Variants in NKAIN2 observed in about 807,000 individuals in gnomAD.
NKAIN2 encodes the protein sodium/potassium-transporting ATPase subunit beta-1-interacting protein 2.
A neutral mutation model predicts 32.6 loss-of-function variants in NKAIN2; 14 were observed. The ratio of observed to expected loss-of-function variants is 0.43; its 90% CI spans 0.28 to 0.67. NKAIN2 has a LOEUF of 0.67. NKAIN2 is among the 30% of genes least tolerant of loss of function. The probability of loss-of-function intolerance (pLI) is 0.17; values close to 1 mark genes in which losing one functional copy is unlikely to be tolerated. For missense variants in NKAIN2, 198 were observed against 258.3 expected, an observed-to-expected ratio of 0.77 and a Z score of 1.60; for synonymous variants, 80 against 87.2, an observed-to-expected ratio of 0.92 and a Z score of 0.46.
intron 1 of NKAIN2, among the ~76,000 whole-genome samples, chr6:124,174,951 AT>A (rs958336406): frequency 2.0e-5 from 3 of 152,152 alleles, no homozygotes; most frequent in Non-Finnish European, 4.4e-5. Context: ...GTATATGTAA[AT>A]TTGAAATTAT....
At chr6:124,798,821 A>C (rs573249647) in intron 5 of NKAIN2, among the ~76,000 whole-genome samples, 2 of 152,318 alleles carry the variant, frequency 1.3e-5, no homozygotes, top group African/African-American at 4.8e-5. Flanking sequence ...ATTCAAATAC[A>C]GTACACACTG....
At position 124,824,566 on chromosome 6, in the gene NKAIN2, AT is replaced by A. The variant is rs1056303007; in HGVS notation, c.*1341del. ...ATGGAATATTCTGAACTCCTAGGAA[AT>A]TTTGTTCTATATTTTAAAGCATTAT... is the stretch of plus-strand genomic sequence containing the variant. On this transcript the variant is annotated 3_prime_UTR_variant, in exon 7 of 7. Coordinates refer to ENST00000368417, the MANE Select transcript of NKAIN2 (RefSeq NM_001040214.3). 1 of 152,140 alleles carries A rather than the reference AT, an allele frequency of 6.6e-6. No homozygotes were observed. The highest frequency in any genetic ancestry group is 2.4e-5 in the African/African-American group (1 of 41,422). 9.4% of individuals were successfully genotyped at this position (152,140 alleles called of 1,614,324 possible).
intron 1 of NKAIN2, among the ~76,000 whole-genome samples, chr6:123,845,608 G>T (rs965897675): frequency 3.3e-5 from 5 of 152,100 alleles, no homozygotes; most frequent in Admixed American, 3.3e-4. Flanking sequence ...AATGTGGATT[G>T]CAAATACAGT....
At chr6:124,162,231 A>G (rs1788317403) in intron 1 of NKAIN2, among the ~76,000 whole-genome samples, 3 of 152,076 alleles carry the variant, frequency 2.0e-5, no homozygotes, top group South Asian at 4.1e-4. Flanking sequence ...GACATGACAT[A>G]CACCTAAGTA....
chr6:124,261,338 A>G (rs954992773), intron 1 of NKAIN2, among the ~76,000 whole-genome samples: 3 of 152,180 alleles, frequency 2.0e-5, no homozygotes, highest in Non-Finnish European at 4.4e-5. Flanking sequence ...TTAACTGATC[A>G]CTTTGCCAAA....
chr6:124,629,434 CA>C (rs1273587448), intron 3 of NKAIN2, among the ~76,000 whole-genome samples: 1 of 152,082 alleles, frequency 6.6e-6, no homozygotes, highest in Non-Finnish European at 1.5e-5. Flanking sequence ...GATTTATACT[CA>C]AAACTATTTC....
At chr6:124,494,956 G>T (rs1316181067) in intron 3 of NKAIN2, among the ~76,000 whole-genome samples, 2 of 151,992 alleles carry the variant, frequency 1.3e-5, no homozygotes, top group Non-Finnish European at 2.9e-5. Context: ...CTATACTTAG[G>T]ATTTTAAATT....
chr6:124,429,456 G>A (rs536405732), intron 3 of NKAIN2, among the ~76,000 whole-genome samples: 1 of 152,250 alleles, frequency 6.6e-6, no homozygotes, highest in South Asian at 2.1e-4. Flanking sequence ...TCTCTCCTCT[G>A]TGTTCCCATG....
chr6:124,047,178 G>A (rs1782179401), intron 1 of NKAIN2, among the ~76,000 whole-genome samples: 1 of 151,918 alleles, frequency 6.6e-6, no homozygotes, highest in East Asian at 1.9e-4. Flanking sequence ...TATAATTTGT[G>A]AGGTGGAAGG....
At chr6:124,756,542 T>C (rs1777975637) in intron 4 of NKAIN2, among the ~76,000 whole-genome samples, 1 of 152,116 alleles carries the variant, frequency 6.6e-6, no homozygotes, top group African/African-American at 2.4e-5. Context: ...GTTTCTGTAA[T>C]CCAGAACTTT....
intron 1 of NKAIN2, among the ~76,000 whole-genome samples, chr6:123,909,372 G>A (rs1236371722): frequency 2.0e-5 from 3 of 152,182 alleles, no homozygotes; most frequent in African/African-American, 7.2e-5. Context: ...CCTGCTGGGT[G>A]TGTGGAATGA....
chr6:124,069,741 C>A (rs1235373943), intron 1 of NKAIN2, among the ~76,000 whole-genome samples: 34 of 152,160 alleles, frequency 2.2e-4, no homozygotes, highest in Admixed American at 2.2e-3. Context: ...CTCTTTGAGT[C>A]CTGCTAGCAG....
rs140822629 is a variant in NKAIN2, at chr6:123,976,827, G to A, written c.54+172573G>A. ...AAGTGTATACAGTGTACAAAATTGT[G>A]AACTTTTTACTCTTTCATCATTTCA... On this transcript the variant is annotated intron_variant, in intron 1 of 6. Transcript: ENST00000368417. 3.0e-4 allele frequency among the ~76,000 whole-genome samples: 45 copies of A among 152,250 alleles called. No individual in the cohort carries two copies. The East Asian group carries it at 8.5e-3, about 29-fold the overall frequency.
chr6:124,576,402 T>G (rs946693767), intron 3 of NKAIN2, among the ~76,000 whole-genome samples: 2 of 152,224 alleles, frequency 1.3e-5, no homozygotes, highest in African/African-American at 4.8e-5. Context: ...AACTCAAATT[T>G]GATGCCAGTG....
chr6:124,508,056 C>T (rs1778556787), intron 3 of NKAIN2, among the ~76,000 whole-genome samples: 1 of 149,830 alleles, frequency 6.7e-6, no homozygotes, highest in African/African-American at 2.5e-5. Context: ...AGTTTGAGAC[C>T]AGCCTGGGCA....
intron 1 of NKAIN2, among the ~76,000 whole-genome samples, chr6:124,225,582 A>T (rs1212926959): frequency 6.6e-6 from 1 of 152,028 alleles, no homozygotes; most frequent in Non-Finnish European, 1.5e-5. Flanking sequence ...ATGTTATGAC[A>T]TTGCAAAGCA....
At chr6:123,941,573 A>T (rs1358081375) in intron 1 of NKAIN2, among the ~76,000 whole-genome samples, 1 of 151,900 alleles carries the variant, frequency 6.6e-6, no homozygotes, top group Admixed American at 6.6e-5. Context: ...TGACTTAAAC[A>T]TCATTTTATG....
intron 1 of NKAIN2, among the ~76,000 whole-genome samples, chr6:124,078,756 G>A (rs1186636772): frequency 6.6e-6 from 1 of 151,232 alleles, no homozygotes; most frequent in Non-Finnish European, 1.5e-5. Flanking sequence ...GACATATTAA[G>A]TGAACAAGCC....
chr6:124,660,329 G>T (rs184282284), intron 4 of NKAIN2, among the ~76,000 whole-genome samples: 9 of 152,226 alleles, frequency 5.9e-5, no homozygotes, highest in Admixed American at 3.9e-4. Flanking sequence ...GTGTGTATGT[G>T]TGCGTAAAAT....
Sources: gnomAD v4.1 joint callset for allele counts (sites outside exome capture counted in the v4.1 genomes callset) on GRCh38, gnomAD v4.1.1 for gene constraint, MANE v1.5 for transcripts, NCBI Gene and HGNC (gene_info 2026-07-23, HGNC 2026-07-21) for gene names.